TMEM65: variants seen among roughly 807,000 people sequenced by gnomAD.
The protein encoded by TMEM65 is transmembrane protein 65.
A neutral mutation model predicts 25.4 loss-of-function variants in TMEM65; 22 were observed. That is an observed-to-expected ratio of 0.86 (90% CI 0.62 to 1.23). The LOEUF (loss-of-function observed/expected upper bound fraction) is 1.23. TMEM65 is among the 50% of genes most tolerant of loss of function. TMEM65 has a pLI of 0.00. For synonymous variants in TMEM65, 132 were observed against 126.2 expected (o/e 1.05, Z -0.31); for missense variants, 262 against 308.2 (o/e 0.85, Z 1.12).
chr8:124,337,147 A>G (rs943285234), intron 1 of TMEM65, among the ~76,000 whole-genome samples: 2 of 128,398 alleles, frequency 1.6e-5, no homozygotes, highest in Non-Finnish European at 3.4e-5. Context: ...ACACACACGC[A>G]CACACACACA....
chr8:124,331,860 T>C (rs992783315), intron 1 of TMEM65, among the ~76,000 whole-genome samples: 18 of 152,120 alleles, frequency 1.2e-4, no homozygotes, highest in Admixed American at 6.5e-4. Context: ...AGGAATTTAG[T>C]ATAAAAAAGT....
intron 1 of TMEM65, among the ~76,000 whole-genome samples, chr8:124,344,976 C>A (rs1161254046): frequency 6.6e-6 from 1 of 152,122 alleles, no homozygotes. Flanking sequence ...GGTGTCAATG[C>A]CCAAAATTTT....
At chr8:124,333,725 T>G (rs545942726) in intron 1 of TMEM65, among the ~76,000 whole-genome samples, 10 of 152,130 alleles carry the variant, frequency 6.6e-5, no homozygotes, top group African/African-American at 2.2e-4. Flanking sequence ...TGAAACCAGG[T>G]TGATCTAGAG....
rs998037111 is a variant in TMEM65, at chr8:124,311,020, A to G, written c.*2940T>C. 1 of 152,218 alleles carries G rather than the reference A, an allele frequency of 6.6e-6. No individual in the cohort carries two copies. Among genetic ancestry groups the G allele is most frequent in the Non-Finnish European group, 1.5e-5 (1 of 68,044 alleles). The allele number at this position is 152,218 out of a possible 1,614,324, so 9.4% of individuals were successfully genotyped here. A position where few individuals can be genotyped will look rare whatever the true frequency, so the allele number is the denominator to read the frequency against. On this transcript the variant is annotated 3_prime_UTR_variant, in exon 7 of 7. Transcript: ENST00000297632. ...AAAGATTTACTTCAAAATGGCTCAT[A>G]CAAACTTTTGGTATAAAAGATAAAC... is the stretch of plus-strand genomic sequence containing the variant.
At chr8:124,338,197 TAAGAA>T (rs1814535731) in intron 1 of TMEM65, among the ~76,000 whole-genome samples, 1 of 152,096 alleles carries the variant, frequency 6.6e-6, no homozygotes, top group South Asian at 2.1e-4. Flanking sequence ...TTAAATTTTT[TAAGAA>T]AATAATTTTA....
chr8:124,366,417 T>G (rs1041497149), intron 1 of TMEM65, among the ~76,000 whole-genome samples: 2 of 152,142 alleles, frequency 1.3e-5, no homozygotes, highest in Non-Finnish European at 2.9e-5. Context: ...ACCAGACACA[T>G]AAACAAACCG....
intron 1 of TMEM65, among the ~76,000 whole-genome samples, chr8:124,356,270 G>A (rs1814779071): frequency 6.6e-6 from 1 of 152,048 alleles, no homozygotes; most frequent in Non-Finnish European, 1.5e-5. Context: ...GCCCCATTAG[G>A]ATAGCGGGTA....
chr8:124,355,520 A>C (rs1390660084), intron 1 of TMEM65, among the ~76,000 whole-genome samples: 1 of 152,216 alleles, frequency 6.6e-6, no homozygotes, highest in African/African-American at 2.4e-5. Context: ...GAAATGCAGA[A>C]TCTCAGGCCC....
chr8:124,319,962 A>T, intron 6 of TMEM65, 124 bp downstream of exon 6: 1 of 630,658 alleles, frequency 1.6e-6, no homozygotes, highest in Non-Finnish European at 2.7e-6. Context: ...GCCAACGTCT[A>T]GACAATTTTT....
chr8:124,323,632 T>C (rs1006442734), intron 3 of TMEM65, among the ~76,000 whole-genome samples: 3 of 152,124 alleles, frequency 2.0e-5, no homozygotes, highest in South Asian at 2.1e-4. Context: ...TGTAGAAATA[T>C]AGTTCATCAT....
intron 1 of TMEM65, among the ~76,000 whole-genome samples, chr8:124,351,350 T>G (rs1814705555): frequency 6.6e-6 from 1 of 152,134 alleles, no homozygotes; most frequent in Non-Finnish European, 1.5e-5. Context: ...TCAAATTTTT[T>G]TGTCAAAACA....
intron 1 of TMEM65, among the ~76,000 whole-genome samples, chr8:124,370,143 T>C (rs1814993785): frequency 6.6e-6 from 1 of 152,114 alleles, no homozygotes; most frequent in South Asian, 2.1e-4. Flanking sequence ...TTATCTTTAT[T>C]AGGAAATGTA....
chr8:124,333,890 G>A lies in TMEM65; in HGVS notation c.305-3098C>T, dbSNP rs552896721. On this transcript the variant is annotated intron_variant, in intron 1 of 6. Transcript: ENST00000297632. ...TCTGTCTGAAGAACCAGAGGATGAG[G>A]TGCCAGGTAACCAAACAACTAGAAA... Among the ~76,000 whole-genome samples, 4 of 152,312 alleles carry A rather than the reference G, an allele frequency of 2.6e-5. No individual in the cohort carries two copies. The South Asian group carries it at 8.3e-4, about 32-fold the overall frequency.
intron 1 of TMEM65, 87 bp downstream of exon 1, chr8:124,371,767 T>C: frequency 7.6e-7 from 1 of 1,322,938 alleles, no homozygotes; most frequent in Admixed American, 2.7e-5. Flanking sequence ...GGGTCCAAGA[T>C]CCAGGGCCGC....
At chr8:124,324,887 T>C (rs956445565) in intron 3 of TMEM65, among the ~76,000 whole-genome samples, 2 of 152,056 alleles carry the variant, frequency 1.3e-5, no homozygotes, top group African/African-American at 4.8e-5. Context: ...CTTAAAGTTA[T>C]ACCTGGTTCA....
intron 2 of TMEM65, among the ~76,000 whole-genome samples, chr8:124,329,692 CAT>C (rs1474104677): frequency 1.3e-5 from 2 of 151,798 alleles, no homozygotes; most frequent in African/African-American, 4.8e-5. Flanking sequence ...GTTAAATAAA[CAT>C]GTACAGAGCA....
intron 5 of TMEM65, among the ~76,000 whole-genome samples, chr8:124,321,083 T>C (rs1285061474): frequency 6.6e-6 from 1 of 152,140 alleles, no homozygotes; most frequent in African/African-American, 2.4e-5. Context: ...AAACTGGGAA[T>C]AGAATGTTTA....
At chr8:124,357,529 C>G (rs1814797655) in intron 1 of TMEM65, among the ~76,000 whole-genome samples, 1 of 152,130 alleles carries the variant, frequency 6.6e-6, no homozygotes, top group South Asian at 2.1e-4. Context: ...ACTTTTCACA[C>G]TATATATTAA....
At position 124,327,346 on chromosome 8, in the gene TMEM65, G is replaced by A. The variant is rs752316353; in HGVS notation, c.417+8C>T. 2 of 1,587,456 alleles carry A rather than the reference G, an allele frequency of 1.3e-6. No individual in the cohort carries two copies. The highest frequency in any genetic ancestry group is 2.3e-5 in the East Asian group (1 of 43,846). On this transcript the variant is annotated splice_region_variant and intron_variant, in intron 3 of 6. Transcript: ENST00000297632. ...CTCAAAATAGAAGCAGTGAGAGAAA[G>A]AACTTACAGCAACAATCATAATTGC...
Sources: allele counts gnomAD v4.1 joint callset (sites outside exome capture counted in the v4.1 genomes callset), GRCh38; gene constraint gnomAD v4.1.1; transcripts MANE v1.5; gene names NCBI Gene and HGNC (gene_info 2026-07-23, HGNC 2026-07-21).